SOX5: variants seen among roughly 807,000 people sequenced by gnomAD.
The protein encoded by SOX5 is SRY-box transcription factor 5.
Under a neutral mutation model 92.0 loss-of-function variants are expected in SOX5, and 9 were observed. The observed-to-expected ratio is 0.10, with a 90% CI of 0.06 to 0.17. The LOEUF (loss-of-function observed/expected upper bound fraction) is 0.17, where lower values mean the gene tolerates loss of function less well. SOX5 is among the 10% of genes least tolerant of loss of function. The pLI is 1.00. For synonymous variants in SOX5, 344 were observed against 336.3 expected, an observed-to-expected ratio of 1.02 and a Z score of -0.25; for missense variants, 642 against 944.5, an observed-to-expected ratio of 0.68 and a Z score of 4.20.
At chr12:24,005,336 G>C (rs1201158302) in intron 4 of SOX5, among the ~76,000 whole-genome samples, 3 of 152,068 alleles carry the variant, frequency 2.0e-5, no homozygotes, top group Non-Finnish European at 4.4e-5. Flanking sequence ...CTATAATATA[G>C]AGCATATTTT....
At chr12:24,544,089 A>C (rs76522424) in intron 1 of SOX5, among the ~76,000 whole-genome samples, 3 of 152,218 alleles carry the variant, frequency 2.0e-5, no homozygotes, top group Non-Finnish European at 4.4e-5. Context: ...CAAGAAATTT[A>C]AAGCAACCAG....
At chr12:24,117,853 C>G (rs879649011) in intron 4 of SOX5, among the ~76,000 whole-genome samples, 8 of 151,762 alleles carry the variant, frequency 5.3e-5, no homozygotes, top group Non-Finnish European at 1.0e-4. Flanking sequence ...AACCCTATCT[C>G]TACTAAAAAT....
At chr12:24,373,226 C>T (rs1192998899) in intron 1 of SOX5, among the ~76,000 whole-genome samples, 1 of 152,084 alleles carries the variant, frequency 6.6e-6, no homozygotes, top group African/African-American at 2.4e-5. Context: ...AGTAGTTTTT[C>T]TAGAATATGT....
intron 3 of SOX5, among the ~76,000 whole-genome samples, chr12:24,249,609 G>C (rs1026823863): frequency 6.6e-6 from 1 of 152,190 alleles, no homozygotes; most frequent in African/African-American, 2.4e-5. Context: ...GTTGACAGCT[G>C]TCACCCAGGC....
At chr12:23,798,259 C>T (rs575366263) in intron 3 of SOX5, among the ~76,000 whole-genome samples, 116 of 152,012 alleles carry the variant, frequency 7.6e-4, no homozygotes, top group African/African-American at 2.7e-3. Flanking sequence ...ACTTGGCATT[C>T]AACAAACATT....
rs1257286486 is a variant in SOX5, at chr12:23,531,396, C to T, written c.*2823G>A. 2.0e-5 allele frequency: 3 copies of T among 152,118 alleles called. No individual in the cohort carries two copies. In the East Asian group the frequency reaches 5.8e-4, roughly 29 times the overall value. 9.4% of individuals were successfully genotyped at this position (152,118 alleles called of 1,614,324 possible). On this transcript the variant is annotated 3_prime_UTR_variant, in exon 15 of 15. Transcript: ENST00000451604. ...AAACACCAAAGTGTTGTCAATTCAT[C>T]GGTAAGTGTGTTAGAATTGATTTCA...
chr12:23,659,821 G>A (rs1593037160), intron 7 of SOX5, among the ~76,000 whole-genome samples: 1 of 152,070 alleles, frequency 6.6e-6, no homozygotes, highest in African/African-American at 2.4e-5. Context: ...ACAAAAATTA[G>A]CTGGGCGTGG....
intron 4 of SOX5, among the ~76,000 whole-genome samples, chr12:24,098,473 G>A (rs1052768574): frequency 4.6e-5 from 7 of 152,008 alleles, no homozygotes; most frequent in Non-Finnish European, 7.4e-5. Flanking sequence ...TGATTTACCC[G>A]CCCTTGCCCA....
intron 3 of SOX5, among the ~76,000 whole-genome samples, chr12:23,831,921 A>G (rs2096329751): frequency 6.6e-6 from 1 of 151,164 alleles, no homozygotes; most frequent in Non-Finnish European, 1.5e-5. Context: ...CAGATGCTAA[A>G]TAAAACCAAG....
intron 4 of SOX5, among the ~76,000 whole-genome samples, chr12:24,209,194 G>C (rs1237538696): frequency 5.3e-5 from 8 of 152,226 alleles, no homozygotes; most frequent in Admixed American, 6.5e-5. Context: ...AACAGGCAAT[G>C]GGTAAGCATA....
intron 1 of SOX5, among the ~76,000 whole-genome samples, chr12:24,560,063 A>G (rs187623786): frequency 6.6e-6 from 1 of 152,188 alleles, no homozygotes; most frequent in African/African-American, 2.4e-5. Context: ...GTCAGATTGG[A>G]TCAATACTAC....
At chr12:24,097,464 C>G (rs970426048) in intron 4 of SOX5, among the ~76,000 whole-genome samples, 1 of 150,850 alleles carries the variant, frequency 6.6e-6, no homozygotes, top group South Asian at 2.1e-4. Flanking sequence ...GAACATTTAC[C>G]CCTATATTTT....
At chr12:24,510,804 C>A (rs1597445309) in intron 1 of SOX5, among the ~76,000 whole-genome samples, 1 of 152,284 alleles carries the variant, frequency 6.6e-6, no homozygotes, top group Admixed American at 6.5e-5. Context: ...CTGGCCTCAA[C>A]AAGAATTTCT....
chr12:24,543,325 G>T (rs1210647751), intron 1 of SOX5, among the ~76,000 whole-genome samples: 2 of 152,156 alleles, frequency 1.3e-5, no homozygotes, highest in Non-Finnish European at 2.9e-5. Context: ...CAATAAAAAA[G>T]GTTTAAATGA....
intron 1 of SOX5, among the ~76,000 whole-genome samples, chr12:24,467,933 A>C (rs937047667): frequency 1.3e-5 from 2 of 149,732 alleles, no homozygotes; most frequent in Non-Finnish European, 2.9e-5. Flanking sequence ...GTAGAAACTA[A>C]CTAGTCTGTG....
Position 23,575,582 on chromosome 12 carries a change from T to A in SOX5, c.1342+79A>T, listed in dbSNP as rs1365757415. ...GAATTCAAGCCGTGTATAGAGTGGG[T>A]GTGATGTGCCATTTAAAGATGATTC... On this transcript the variant is annotated intron_variant, in intron 10 of 14. Coordinates refer to ENST00000451604, the MANE Select transcript of SOX5 (RefSeq NM_006940.6). 6 of 1,331,316 alleles carry A rather than the reference T, an allele frequency of 4.5e-6. No homozygotes were observed. In the South Asian group the frequency reaches 6.0e-5, roughly 13 times the overall value. 82.5% of individuals were successfully genotyped at this position (1,331,316 alleles called of 1,614,324 possible).
chr12:23,539,364 A>T (rs895825695), intron 13 of SOX5, among the ~76,000 whole-genome samples: 59 of 152,162 alleles, frequency 3.9e-4, no homozygotes, highest in African/African-American at 1.4e-3. Context: ...TCAGTCAGGG[A>T]ATATACATTA....
At chr12:23,949,745 T>G (rs1388066151), upstream of SOX5, 1 of 949,240 alleles carries the variant, frequency 1.1e-6, no homozygotes, top group African/African-American at 2.6e-5. Context: ...TCTCTCTCTC[T>G]CTCTCTCCCT....
chr12:23,610,457 A>G (rs2075814031), intron 8 of SOX5, among the ~76,000 whole-genome samples: 1 of 152,214 alleles, frequency 6.6e-6, no homozygotes, highest in Admixed American at 6.6e-5. Flanking sequence ...GAAGGCAGAG[A>G]TTATGTCCCT....
Sources: gnomAD v4.1 joint callset for allele counts (sites outside exome capture counted in the v4.1 genomes callset) on GRCh38, gnomAD v4.1.1 for gene constraint, MANE v1.5 for transcripts, NCBI Gene and HGNC (gene_info 2026-07-23, HGNC 2026-07-21) for gene names.